Variants in IGF1 observed in about 807,000 individuals in gnomAD.
IGF1 encodes insulin-like growth factor 1.
In IGF1, 4 loss-of-function variants were observed where a neutral mutation model predicts 13.8. The ratio of observed to expected loss-of-function variants is 0.29; its 90% CI spans 0.14 to 0.66. The LOEUF (loss-of-function observed/expected upper bound fraction) is 0.66, where lower values mean the gene tolerates loss of function less well. Ranked by LOEUF, IGF1 falls within the 30% of genes least tolerant of loss-of-function variation. The probability of loss-of-function intolerance (pLI) is 0.78; values close to 1 mark genes in which losing one functional copy is unlikely to be tolerated. For missense variants in IGF1, 124 were observed against 188.5 expected (o/e 0.66, Z 2.00); for synonymous variants, 76 against 72.6 (o/e 1.05, Z -0.23).
chr12:102,445,217 C>T (rs1878209657), intron 2 of IGF1, among the ~76,000 whole-genome samples: 1 of 152,052 alleles, frequency 6.6e-6, no homozygotes, highest in Non-Finnish European at 1.5e-5. Flanking sequence ...CTTGGCTATC[C>T]AGGCTCTTTT....
intron 2 of IGF1, among the ~76,000 whole-genome samples, chr12:102,438,334 G>A (rs1592779590): frequency 6.6e-6 from 1 of 152,142 alleles, no homozygotes; most frequent in Admixed American, 6.5e-5. Flanking sequence ...CTATGTCAAA[G>A]GACACCTAAG....
rs373882731 is a variant in IGF1 at position 102,464,908 on chromosome 12, A to G, written c.220+10735T>C. Among the ~76,000 whole-genome samples the G allele has an allele frequency of 7.2e-4, 109 of 152,326 alleles. 1 individual carries two copies. The Middle Eastern group carries it at 0.017, about 24-fold the overall frequency. On this transcript the variant is annotated intron_variant, in intron 2 of 3. Coordinates refer to ENST00000337514, the MANE Select transcript of IGF1 (RefSeq NM_000618.5). ...CAATAGCTGACTTGAGAGAATAGAA[A>G]TCTTTTGCCTATATGTGATATCTCT...
At chr12:102,444,259 T>A (rs918714384) in intron 2 of IGF1, among the ~76,000 whole-genome samples, 1 of 152,024 alleles carries the variant, frequency 6.6e-6, no homozygotes, top group South Asian at 2.1e-4. Context: ...TTTTTTTTTT[T>A]TCTACCTAAC....
At chr12:102,471,277 C>T (rs549135164) in intron 2 of IGF1, among the ~76,000 whole-genome samples, 1 of 152,122 alleles carries the variant, frequency 6.6e-6, no homozygotes, top group Non-Finnish European at 1.5e-5. Context: ...TTGTTAAATA[C>T]AACCTAGACT....
At chr12:102,478,748 C>T (rs1881228505) in intron 1 of IGF1, 3 of 952,268 alleles carry the variant, frequency 3.2e-6, no homozygotes, top group Non-Finnish European at 2.8e-6. Flanking sequence ...AGTCAAGCCA[C>T]CTATTTCCAT....
chr12:102,441,816 A>G (rs1165173458), intron 2 of IGF1, among the ~76,000 whole-genome samples: 1 of 152,058 alleles, frequency 6.6e-6, no homozygotes, highest in East Asian at 1.9e-4. Flanking sequence ...AGAAAAGTTT[A>G]TTTATTTGTC....
intron 3 of IGF1, among the ~76,000 whole-genome samples, chr12:102,405,373 C>A (rs1050352830): frequency 1.3e-5 from 2 of 151,954 alleles, no homozygotes; most frequent in African/African-American, 4.8e-5. Context: ...CAGGCATGAG[C>A]CATCATGCCT....
At chr12:102,477,767 C>T (rs1881152047) in intron 1 of IGF1, among the ~76,000 whole-genome samples, 2 of 152,084 alleles carry the variant, frequency 1.3e-5, no homozygotes, top group African/African-American at 4.8e-5. Context: ...GCGTTCATAG[C>T]AATGCTGAAG....
At position 102,407,709 on chromosome 12, in the gene IGF1, G is replaced by A. The variant is rs369078476; in HGVS notation, c.403-5143C>T. On this transcript the variant is annotated intron_variant, in intron 3 of 3. Coordinates refer to ENST00000337514, the MANE Select transcript of IGF1 (RefSeq NM_000618.5). The stretch of plus-strand genomic sequence containing the variant: ...ATGAGCTGCCCATGCTTCCAGATGG[G>A]GGTAGATGCTAGTTTGGAGGGAAAG... Among the ~76,000 whole-genome samples, 40 of 152,244 alleles carry A rather than the reference G, an allele frequency of 2.6e-4. No homozygotes were observed. The South Asian group carries it at 8.1e-3, about 31-fold the overall frequency.
rs746077044 is a variant in IGF1 at position 102,437,472 on chromosome 12, A to G, written c.221-17782T>C. On this transcript the variant is annotated intron_variant, in intron 2 of 3. Coordinates refer to ENST00000337514, the MANE Select transcript of IGF1 (RefSeq NM_000618.5). ...TAGTTTGATGTAATCCCATTTGTCT[A>G]TTTTTGCTTTTGTTGCTTTTGCTTT... Among the ~76,000 whole-genome samples, 8 of 152,290 alleles carry G rather than the reference A, an allele frequency of 5.3e-5. No homozygotes were observed. The East Asian group carries it at 7.7e-4, about 15-fold the overall frequency.
chr12:102,431,680 C>A (rs564919563), intron 2 of IGF1, among the ~76,000 whole-genome samples: 1 of 152,066 alleles, frequency 6.6e-6, no homozygotes, highest in East Asian at 1.9e-4. Flanking sequence ...GAAGTTGATA[C>A]CTTTACTGGG....
chr12:102,432,428 G>C (rs1192808972), intron 2 of IGF1, among the ~76,000 whole-genome samples: 1 of 152,162 alleles, frequency 6.6e-6, no homozygotes. Flanking sequence ...TGGAATTACT[G>C]AGTCAAAGGG....
At chr12:102,428,628 A>T (rs1876449231) in intron 2 of IGF1, among the ~76,000 whole-genome samples, 1 of 152,202 alleles carries the variant, frequency 6.6e-6, no homozygotes, top group African/African-American at 2.4e-5. Context: ...TTAGTATGAG[A>T]AGAGTCTTTC....
intron 2 of IGF1, among the ~76,000 whole-genome samples, chr12:102,444,511 C>G (rs554345477): frequency 6.6e-6 from 1 of 152,086 alleles, no homozygotes; most frequent in African/African-American, 2.4e-5. Flanking sequence ...TGTATTTACG[C>G]GTAAGTTCAT....
At chr12:102,473,365 A>G (rs1305091627) in intron 2 of IGF1, among the ~76,000 whole-genome samples, 1 of 152,180 alleles carries the variant, frequency 6.6e-6, no homozygotes, top group Non-Finnish European at 1.5e-5. Flanking sequence ...ATCTCATTCA[A>G]TGCTTACACA....
intron 1 of IGF1, among the ~76,000 whole-genome samples, chr12:102,476,442 A>AGACT (rs1881055111): frequency 6.6e-6 from 1 of 151,724 alleles, no homozygotes. Flanking sequence ...AGAGAGAGAG[A>AGACT]GACTGATTCC....
At chr12:102,453,990 A>G (rs1465599970) in intron 2 of IGF1, among the ~76,000 whole-genome samples, 2 of 152,234 alleles carry the variant, frequency 1.3e-5, no homozygotes, top group Admixed American at 6.5e-5. Context: ...AAGAGCTTGG[A>G]AAGTGCTAGC....
chr12:102,458,589 A>AT (rs776284827), intron 2 of IGF1, among the ~76,000 whole-genome samples: 4 of 152,170 alleles, frequency 2.6e-5, no homozygotes, highest in Non-Finnish European at 5.9e-5. Context: ...GTAAGGCCAC[A>AT]TAAAAACGAA....
intron 2 of IGF1, among the ~76,000 whole-genome samples, chr12:102,446,416 A>G (rs1477100341): frequency 6.6e-6 from 1 of 152,100 alleles, no homozygotes. Context: ...TTATTGGTCT[A>G]TTCAGGGATT....
Sources: allele counts gnomAD v4.1 joint callset (sites outside exome capture counted in the v4.1 genomes callset), GRCh38; gene constraint gnomAD v4.1.1; transcripts MANE v1.5; gene names NCBI Gene and HGNC (gene_info 2026-07-23, HGNC 2026-07-21).